FREM2: variants seen among roughly 807,000 people sequenced by gnomAD.
FREM2 encodes FRAS1 related extracellular matrix 2.
A neutral mutation model predicts 219.9 loss-of-function variants in FREM2; 119 were observed. The ratio of observed to expected loss-of-function variants is 0.54; its 90% CI spans 0.47 to 0.63. FREM2 has a LOEUF of 0.63. FREM2 is among the 30% of genes least tolerant of loss of function. The pLI is 0.00. For missense variants in FREM2, 4,030 were observed against 3,993.6 expected (o/e 1.01, Z -0.25); for synonymous variants, 1,562 against 1,522.8 (o/e 1.03, Z -0.60).
chr13:38,879,062 G>C, intron 23 of FREM2, 85 bp downstream of exon 23: 1 of 1,174,936 alleles, frequency 8.5e-7, no homozygotes, highest in Non-Finnish European at 1.3e-6. Context: ...TGTCTCATAT[G>C]TAAATAGCAG....
intron 2 of FREM2, among the ~76,000 whole-genome samples, chr13:38,715,836 A>C (rs1870975434): frequency 6.6e-6 from 1 of 152,132 alleles, no homozygotes; most frequent in African/African-American, 2.4e-5. Flanking sequence ...ATGTATGAAT[A>C]AGAATACCTT....
rs1285715958 is a variant in FREM2 at position 38,691,981 on chromosome 13, G to A, written c.4637G>A (p.Ser1546Asn). The A allele has an allele frequency of 3.7e-6, 6 of 1,614,216 alleles. No homozygotes were observed. The South Asian group carries it at 4.4e-5, about 12-fold the overall frequency. ...ATCCACAAGCTGGTTGTCAGTGAAA[G>A]TGAAAACAAGCTGATTACTCCTTTT... ...VTIHKLVVSE[S>N]ENKLITPFEL... Residue 1546 changes from serine to asparagine, a missense_variant, in exon 1 of 24, where the codon AGT becomes AAT. By Grantham distance (46) the Ser-to-Asn change is conservative. Coordinates refer to ENST00000280481, the MANE Select transcript of FREM2 (RefSeq NM_207361.6).
chr13:38,810,686 A>G (rs1166957166), intron 6 of FREM2, among the ~76,000 whole-genome samples: 1 of 152,060 alleles, frequency 6.6e-6, no homozygotes, highest in African/African-American at 2.4e-5. Context: ...CATGATGAAT[A>G]ATATTTCAAA....
chr13:38,811,045 A>G (rs1036319484), intron 6 of FREM2, among the ~76,000 whole-genome samples: 1 of 151,850 alleles, frequency 6.6e-6, no homozygotes, highest in Admixed American at 6.6e-5. Context: ...TTAATTTTTT[A>G]TATTACATTA....
chr13:38,803,666 A>G (rs757041676), intron 6 of FREM2, among the ~76,000 whole-genome samples: 46 of 151,118 alleles, frequency 3.0e-4, no homozygotes, highest in Non-Finnish European at 5.3e-4. Context: ...AACTGAATCT[A>G]TTCTCTGCCT....
chr13:38,808,039 G>A lies in FREM2; in HGVS notation c.6019+23231G>A, dbSNP rs559564363. On this transcript the variant is annotated intron_variant, in intron 6 of 23. Transcript: ENST00000280481. ...GTAGCCCTCTTCATCCTTCATTTTA[G>A]TGAGATCTTCTGGATAACTTGCTAC... Among the ~76,000 whole-genome samples the A allele has an allele frequency of 4.6e-5, 7 of 152,030 alleles. No individual in the cohort carries two copies. In the South Asian group the frequency reaches 1.0e-3, roughly 23 times the overall value.
At chr13:38,808,438 C>A (rs1245689609) in intron 6 of FREM2, among the ~76,000 whole-genome samples, 1 of 151,952 alleles carries the variant, frequency 6.6e-6, no homozygotes, top group African/African-American at 2.4e-5. Flanking sequence ...TTTTGACATA[C>A]CTTCCTCACT....
intron 2 of FREM2, among the ~76,000 whole-genome samples, chr13:38,711,084 T>A (rs927662196): frequency 4.2e-4 from 64 of 152,360 alleles, no homozygotes; most frequent in African/African-American, 1.5e-3. Flanking sequence ...GTAATAAGCA[T>A]ATTGTACCTT....
Position 38,880,681 on chromosome 13 carries a change from G to T in FREM2, c.9404G>T (p.Cys3135Phe), listed in dbSNP as rs1002346485. The T allele has an allele frequency of 1.2e-6, 2 of 1,614,062 alleles. No homozygotes were observed. Among genetic ancestry groups the T allele is most frequent in the African/African-American group, 1.3e-5 (1 of 74,936 alleles). Residue 3135 changes from cysteine to phenylalanine, a missense_variant, in exon 24 of 24, where the codon TGC (cysteine) becomes TTC (phenylalanine). By Grantham distance (205) the Cys-to-Phe change is radical. Around this residue, in one of 2 missense-constraint regions of FREM2, gnomAD observed 928 missense variants for 1,042.9 expected, o/e 0.89. Coordinates refer to ENST00000280481, the MANE Select transcript of FREM2 (RefSeq NM_207361.6). ...ICLTVIAVLM[C>F]RGKESFRGKD... ...CTCACTGTCATTGCAGTGCTGATGT[G>T]CAGGGGCAAGGAAAGTTTCAGGGGG...
chr13:38,793,215 T>C (rs1371289722), intron 6 of FREM2, among the ~76,000 whole-genome samples: 1 of 152,234 alleles, frequency 6.6e-6, no homozygotes, highest in African/African-American at 2.4e-5. Flanking sequence ...TCTTAATTCA[T>C]GGACCTTCCA....
In FREM2 at chr13:38,687,463, T is replaced by A; in HGVS notation, c.119T>A (p.Leu40Gln). The A allele has an allele frequency of 6.3e-7, 1 of 1,592,324 alleles. No individual in the cohort carries two copies. The highest frequency in any genetic ancestry group is 1.8e-5 in the Admixed American group (1 of 56,414). The stretch of plus-strand genomic sequence containing the variant: ...CTGCTGCTGCTGCTTCTCCTGTCAC[T>A]GGTAAGCCGCGTCCCGGCACAGCCC... ...LLLLLLLLLS[L>Q]VSRVPAQPAA... is the part of the protein sequence containing the mutation. The change falls in exon 1 of 24, where the codon CTG becomes CAG. Residue 40 changes from leucine (L) to glutamine (Q), a missense_variant. Leu to Gln is a moderately radical substitution (Grantham distance 113). Around this residue, in one of 2 missense-constraint regions of FREM2, gnomAD observed 3,102 missense variants for 2,950.7 expected, o/e 1.05. Transcript: ENST00000280481.
rs554313957 is a variant in FREM2 at position 38,823,510 on chromosome 13, T to C, written c.6020-23063T>C. On this transcript the variant is annotated intron_variant, in intron 6 of 23. Transcript: ENST00000280481. ...CCCCATCTCCTCATTCCAAGCAGCA[T>C]ACAATACCACAGCAAACTCTGCAGC... Among the ~76,000 whole-genome samples the C allele has an allele frequency of 2.7e-3, 414 of 152,092 alleles. 2 individuals carry two copies. Among genetic ancestry groups the C allele is most frequent in the Non-Finnish European group, 4.2e-3 (288 of 67,984 alleles).
intron 2 of FREM2, among the ~76,000 whole-genome samples, chr13:38,758,450 C>T (rs1323186237): frequency 1.3e-5 from 2 of 152,176 alleles, no homozygotes; most frequent in African/African-American, 2.4e-5. Context: ...CTTGTGAACT[C>T]CCACAGCTCA....
chr13:38,762,211 A>G (rs918375902), intron 2 of FREM2, among the ~76,000 whole-genome samples: 1 of 152,154 alleles, frequency 6.6e-6, no homozygotes, highest in Non-Finnish European at 1.5e-5. Context: ...AAAAGGAAAC[A>G]GAGATCCAGA....
At chr13:38,793,174 G>A (rs1874630903) in intron 6 of FREM2, among the ~76,000 whole-genome samples, 2 of 152,172 alleles carry the variant, frequency 1.3e-5, no homozygotes, top group East Asian at 1.9e-4. Context: ...TAGGTGCTGG[G>A]GACATAACAG....
intron 2 of FREM2, among the ~76,000 whole-genome samples, chr13:38,712,297 T>C (rs530494016): frequency 6.6e-6 from 1 of 152,344 alleles, no homozygotes; most frequent in South Asian, 2.1e-4. Flanking sequence ...ACAAATATGA[T>C]TCTGCCTTGT....
intron 6 of FREM2, among the ~76,000 whole-genome samples, chr13:38,838,851 A>T (rs1876826105): frequency 6.6e-6 from 1 of 152,042 alleles, no homozygotes; most frequent in Non-Finnish European, 1.5e-5. Flanking sequence ...TCTAGTTAGC[A>T]ATTCCTCAAA....
chr13:38,864,435 A>T lies in FREM2; in HGVS notation c.7812A>T (p.Glu2604Asp). 6.2e-7 allele frequency: 1 copy of T among 1,614,160 alleles called. No homozygotes were observed. Among genetic ancestry groups the T allele is most frequent in the Non-Finnish European group, 8.5e-7 (1 of 1,180,022 alleles). Residue 2604 changes from glutamate to aspartate, a missense_variant, in exon 16 of 24, where the codon GAA (glutamate) becomes GAT (aspartate). Transcript: ENST00000280481. Reference protein sequence around the residue: ...GFLTDATKNPEIIGETYPYQY... With the variant: ...GFLTDATKNPDIIGETYPYQY... ...TGACTGATGCTACCAAAAATCCAGA[A>T]ATAATTGGAGAGACATATCCTTACC...
At chr13:38,791,536 C>A (rs1475796938) in intron 6 of FREM2, among the ~76,000 whole-genome samples, 4 of 152,128 alleles carry the variant, frequency 2.6e-5, no homozygotes, top group Non-Finnish European at 5.9e-5. Context: ...CCGGGAAGGC[C>A]TCAGGAAACT....
Sources: gnomAD v4.1 joint callset for allele counts (sites outside exome capture counted in the v4.1 genomes callset) on GRCh38, gnomAD v4.1.1 for gene constraint, gnomAD v4.1.1 regional missense constraint, MANE v1.5 for transcripts, NCBI Gene and HGNC (gene_info 2026-07-23, HGNC 2026-07-21) for gene names.